The following PYM1 variants were observed in gnomAD, a reference collection of about 807,000 sequenced individuals.
The protein encoded by PYM1 is PYM1 exon junction complex associated factor, also known as partner of Y14 and mago.
In PYM1, 7 loss-of-function variants were observed where a neutral mutation model predicts 20.7. That is an observed-to-expected ratio of 0.34 (90% CI 0.19 to 0.64). The LOEUF is 0.64. Among genes scored for constraint, PYM1 ranks in the 30% least tolerant of loss-of-function variants. PYM1 has a pLI of 0.74. For missense variants in PYM1, 194 were observed against 250.0 expected (o/e 0.78, Z 1.51); for synonymous variants, 100 against 99.2 (o/e 1.01, Z -0.05).
chr12:55,902,498 G>T, intron 2 of PYM1, 143 bp from the exon 3 acceptor site: 2 of 1,250,154 alleles, frequency 1.6e-6, no homozygotes, highest in Non-Finnish European at 2.2e-6. Flanking sequence ...TGTTTTTTGA[G>T]ATAGAGTCTC....
intron 1 of PYM1, among the ~76,000 whole-genome samples, chr12:55,908,680 C>T (rs1198669683): frequency 1.3e-5 from 2 of 151,738 alleles, no homozygotes; most frequent in African/African-American, 4.8e-5. Flanking sequence ...TGTGAAACCC[C>T]ATCTCTACTA....
intron 1 of PYM1, among the ~76,000 whole-genome samples, chr12:55,924,250 T>C (rs886191570): frequency 6.6e-6 from 1 of 152,048 alleles, no homozygotes; most frequent in Non-Finnish European, 1.5e-5. Context: ...GAAAAAGGCA[T>C]AGGCAACTCG....
At chr12:55,923,986 G>GA (rs1384770142) in intron 1 of PYM1, among the ~76,000 whole-genome samples, 3 of 151,562 alleles carry the variant, frequency 2.0e-5, no homozygotes, top group South Asian at 4.2e-4. Flanking sequence ...TGAGGCAGAA[G>GA]AATCACTTGA....
chr12:55,902,253 A>G lies in PYM1; in HGVS notation c.234T>C (p.Gly78=), dbSNP rs1350177081. The G allele has an allele frequency of 1.9e-6, 3 of 1,613,736 alleles. No homozygotes were observed. The highest frequency in any genetic ancestry group is 2.5e-6 in the Non-Finnish European group (3 of 1,179,950). ...CTGTCTTGGAGAGGCCTGGTTCACCACCTTCAGGCCTGGATGGGGTGACAG... is the reference window on the plus strand; with the variant it reads ...CTGTCTTGGAGAGGCCTGGTTCACCGCCTTCAGGCCTGGATGGGGTGACAG... The part of the protein sequence containing the change: ...TAPVTPSRPE[G]GEPGLSKTAK... The change falls in exon 3 of 3, where the codon GGT becomes GGC. Residue 78 remains glycine, a synonymous_variant. Coordinates refer to ENST00000408946, the MANE Select transcript of PYM1 (RefSeq NM_032345.3).
rs1438996499 is a variant in PYM1, at chr12:55,901,695, G to A, written c.*177C>T. 1 of 901,924 alleles carries A rather than the reference G, an allele frequency of 1.1e-6. No homozygotes were observed. The highest frequency in any genetic ancestry group is 1.6e-6 in the Non-Finnish European group (1 of 614,724). The allele number at this position is 901,924 out of a possible 1,614,324, so 55.9% of individuals were successfully genotyped here. A position where few individuals can be genotyped will look rare whatever the true frequency, so the allele number is the denominator to read the frequency against. On this transcript the variant is annotated 3_prime_UTR_variant, in exon 3 of 3. Transcript: ENST00000408946. ...GGAAAGTCCAAAAAGTAGAAGTTGGGAAGAAAAGGGAAGGATTGAGGGAGA... is the reference window on the plus strand; with the variant it reads ...GGAAAGTCCAAAAAGTAGAAGTTGGAAAGAAAAGGGAAGGATTGAGGGAGA...
chr12:55,917,657 C>T (rs1464817060), intron 1 of PYM1, among the ~76,000 whole-genome samples: 4 of 151,746 alleles, frequency 2.6e-5, no homozygotes, highest in Non-Finnish European at 4.4e-5. Flanking sequence ...GAGGCGGGCA[C>T]GGGTTTAAAA....
intron 1 of PYM1, chr12:55,927,520 C>T: frequency 1.4e-6 from 1 of 699,588 alleles, no homozygotes; most frequent in South Asian, 1.7e-5. Context: ...ACCCAGATCT[C>T]AGAGCGGCTT....
intron 1 of PYM1, among the ~76,000 whole-genome samples, chr12:55,908,705 G>A (rs1882869375): frequency 6.6e-6 from 1 of 151,544 alleles, no homozygotes; most frequent in Non-Finnish European, 1.5e-5. Context: ...ACAAAAAATA[G>A]CCAGGAGTGG....
chr12:55,905,778 ATATT>A (rs1298571160), intron 1 of PYM1, among the ~76,000 whole-genome samples: 6 of 133,416 alleles, frequency 4.5e-5, no homozygotes, highest in Admixed American at 2.6e-4. Flanking sequence ...TATTATATAT[ATATT>A]ATTATTATTA....
intron 1 of PYM1, chr12:55,927,360 C>G (rs1486943108): frequency 1.5e-5 from 11 of 725,958 alleles, no homozygotes; most frequent in Non-Finnish European, 2.5e-5. Flanking sequence ...CCTCAGGGAG[C>G]CAAGAGAAGT....
intron 1 of PYM1, among the ~76,000 whole-genome samples, chr12:55,926,442 C>A (rs192381821): frequency 6.0e-4 from 92 of 152,308 alleles, no homozygotes; most frequent in Non-Finnish European, 1.2e-3. Context: ...TCCTGTTTGC[C>A]TTTTCCCACC....
At chr12:55,919,085 C>T (rs898582106) in intron 1 of PYM1, among the ~76,000 whole-genome samples, 1 of 152,136 alleles carries the variant, frequency 6.6e-6, no homozygotes, top group African/African-American at 2.4e-5. Flanking sequence ...TATTCAGGTA[C>T]ATATGCAAGA....
In PYM1 at chr12:55,905,947, T is replaced by TTATTATATATATCTATTAGATATATATAA. The variant is rs1565714542; in HGVS notation, c.38-2468_38-2467insTTATATATATCTAATAGATATATATAATA. Among the ~76,000 whole-genome samples, 116 of 126,176 alleles carry TTATTATATATATCTATTAGATATATATAA rather than the reference T, an allele frequency of 9.2e-4. 6 individuals carry two copies. The highest frequency in any genetic ancestry group is 3.6e-3 in the African/African-American group (106 of 29,320). 82.8% of individuals were successfully genotyped at this position (126,176 alleles called of 152,430 possible). A position where few individuals can be genotyped will look rare whatever the true frequency, so the allele number is the denominator to read the frequency against. On this transcript the variant is annotated intron_variant, in intron 1 of 2. Transcript: ENST00000408946. Reference sequence around the variant, plus strand: ...TATATATATCTAATAGATATATATATTATTATATATATCTAATAGATATAT... The same window carrying TTATTATATATATCTATTAGATATATATAA: ...TATATATATCTAATAGATATATATATTATTATATATATCTATTAGATATATATAATATTATATATATCTAATAGATATAT...
In PYM1 at chr12:55,905,937, G is replaced by GAT. The variant is rs540638216; in HGVS notation, c.38-2459_38-2458dup. On this transcript the variant is annotated intron_variant, in intron 1 of 2. Coordinates refer to ENST00000408946, the MANE Select transcript of PYM1 (RefSeq NM_032345.3). ...TATATATTATTATATATATCTAATA[G>GAT]ATATATATATTATTATATATATCTA... is the stretch of plus-strand genomic sequence containing the variant. Among the ~76,000 whole-genome samples, 8 of 109,150 alleles carry GAT rather than the reference G, an allele frequency of 7.3e-5. 1 individual carries two copies. The highest frequency in any genetic ancestry group is 1.2e-4 in the African/African-American group (3 of 24,624). 71.6% of individuals were successfully genotyped at this position (109,150 alleles called of 152,430 possible).
intron 1 of PYM1, among the ~76,000 whole-genome samples, chr12:55,911,842 GAA>G (rs1882928858): frequency 6.9e-6 from 1 of 145,700 alleles, no homozygotes; most frequent in African/African-American, 2.5e-5. Context: ...ACTCCATCAA[GAA>G]AAGAGAAGGG....
At chr12:55,922,767 A>G (rs1883121523) in intron 1 of PYM1, among the ~76,000 whole-genome samples, 2 of 152,200 alleles carry the variant, frequency 1.3e-5, no homozygotes, top group South Asian at 4.1e-4. Context: ...ACAAATTCCA[A>G]TAGAAGGATA....
intron 1 of PYM1, among the ~76,000 whole-genome samples, chr12:55,913,573 T>TA (rs761331381): frequency 6.6e-6 from 1 of 152,020 alleles, no homozygotes; most frequent in Non-Finnish European, 1.5e-5. Context: ...AAACTAAAGG[T>TA]AGAGAAAATG....
chr12:55,915,106 T>G (rs1033800660), intron 1 of PYM1, among the ~76,000 whole-genome samples: 1 of 151,068 alleles, frequency 6.6e-6, no homozygotes, highest in African/African-American at 2.4e-5. Flanking sequence ...TCCCAGCTAC[T>G]CAGGAGGCTG....
chr12:55,902,183 C>T lies in PYM1; in HGVS notation c.304G>A (p.Glu102Lys). 1 of 1,614,162 alleles carries T rather than the reference C, an allele frequency of 6.2e-7. No individual in the cohort carries two copies. Among genetic ancestry groups the T allele is most frequent in the African/African-American group, 1.3e-5 (1 of 75,040 alleles). ...KRKEKRRQQQEKGEAEALSRT... is the reference protein window; with the variant it reads ...KRKEKRRQQQKKGEAEALSRT... The stretch of plus-strand genomic sequence containing the variant: ...CTCAAGGCCTCTGCCTCTCCTTTCT[C>T]TTGCTGCTGCCGCCTCTTCTCCTTT... The change falls in exon 3 of 3, where the codon GAG becomes AAG. Residue 102 changes from glutamate (E) to lysine (K), a missense_variant. Glu to Lys is a moderately conservative substitution (Grantham distance 56, BLOSUM62 1). Coordinates refer to ENST00000408946, the MANE Select transcript of PYM1 (RefSeq NM_032345.3).
Sources: gnomAD v4.1 joint callset for allele counts (sites outside exome capture counted in the v4.1 genomes callset) on GRCh38, gnomAD v4.1.1 for gene constraint, MANE v1.5 for transcripts, NCBI Gene and HGNC (gene_info 2026-07-23, HGNC 2026-07-21) for gene names.